The following SGCD variants were observed in gnomAD, a reference collection of about 807,000 sequenced individuals.
SGCD encodes sarcoglycan delta.
Under a neutral mutation model 36.6 loss-of-function variants are expected in SGCD, and 18 were observed. The ratio of observed to expected loss-of-function variants is 0.49; its 90% CI spans 0.34 to 0.73. The LOEUF is 0.73. Ranked by LOEUF, SGCD falls within the 30% of genes least tolerant of loss-of-function variation. SGCD has a pLI of 0.01. For synonymous variants in SGCD, 133 were observed against 130.6 expected, an observed-to-expected ratio of 1.02 and a Z score of -0.12; for missense variants, 387 against 346.7, an observed-to-expected ratio of 1.12 and a Z score of -0.92.
At chr5:155,806,381 C>T in the SGCD span, among the ~76,000 whole-genome samples, 11 of 152,172 alleles carry the variant, frequency 7.2e-5, no homozygotes, top group African/African-American at 1.9e-4. Flanking sequence ...TCTTGAACTC[C>T]TGACCTCGTG....
At chr5:156,253,221 C>T (rs909761591) in intron 3 of SGCD, among the ~76,000 whole-genome samples, 1 of 152,142 alleles carries the variant, frequency 6.6e-6, no homozygotes, top group Non-Finnish European at 1.5e-5. Flanking sequence ...ATCTGTGCCT[C>T]ACTGGGTCTA....
intron 7 of SGCD, among the ~76,000 whole-genome samples, chr5:156,674,336 A>G (rs1753424637): frequency 6.6e-6 from 1 of 152,228 alleles, no homozygotes; most frequent in South Asian, 2.1e-4. Flanking sequence ...GCAGCAACTA[A>G]GTTAAGAACA....
At chr5:155,842,245 TG>T in the SGCD span, among the ~76,000 whole-genome samples, 55 of 106,930 alleles carry the variant, frequency 5.1e-4, no homozygotes, top group African/African-American at 2.4e-3. Context: ...TCATTTGAGG[TG>T]TTTTTTTTTT....
the SGCD span, among the ~76,000 whole-genome samples, chr5:155,817,101 A>T: frequency 3.9e-5 from 6 of 152,208 alleles, no homozygotes; most frequent in African/African-American, 1.4e-4. Context: ...ATATAGTTAC[A>T]ATAACTTTAA....
At chr5:155,738,847 A>G in the SGCD span, among the ~76,000 whole-genome samples, 1 of 130,806 alleles carries the variant, frequency 7.6e-6, no homozygotes, top group African/African-American at 2.9e-5. Flanking sequence ...GTGAGAGAGT[A>G]TGTATATGAG....
intron 4 of SGCD, among the ~76,000 whole-genome samples, chr5:156,541,401 G>A (rs1387035776): frequency 2.6e-5 from 4 of 152,122 alleles, no homozygotes; most frequent in East Asian, 1.9e-4. Flanking sequence ...GGAGCTCCTC[G>A]GTGGTTCAGG....
chr5:156,596,452 TA>T (rs1760929860), intron 6 of SGCD, among the ~76,000 whole-genome samples: 1 of 152,208 alleles, frequency 6.6e-6, no homozygotes. Flanking sequence ...ATCATCTATG[TA>T]AAGTACTGAG....
At chr5:155,877,363 G>A (rs1018943492) in intron 1 of SGCD, among the ~76,000 whole-genome samples, 1 of 152,090 alleles carries the variant, frequency 6.6e-6, no homozygotes, top group Non-Finnish European at 1.5e-5. Context: ...CTAGCAATAG[G>A]ATTTGGATGT....
chr5:155,891,793 C>T (rs1309312149), intron 1 of SGCD, among the ~76,000 whole-genome samples: 1 of 151,754 alleles, frequency 6.6e-6, no homozygotes, highest in Non-Finnish European at 1.5e-5. Flanking sequence ...GCGGTTAAGG[C>T]CCTACCTGTG....
intron 3 of SGCD, among the ~76,000 whole-genome samples, chr5:156,142,879 A>G (rs1479273250): frequency 6.6e-6 from 1 of 152,252 alleles, no homozygotes; most frequent in Non-Finnish European, 1.5e-5. Flanking sequence ...ACCCTGTAGT[A>G]GAAAATCAAA....
At chr5:156,276,791 G>C (rs1010344564) in intron 3 of SGCD, among the ~76,000 whole-genome samples, 35 of 152,092 alleles carry the variant, frequency 2.3e-4, no homozygotes, top group African/African-American at 7.5e-4. Flanking sequence ...TAATAAAAAT[G>C]TATACATTAG....
the SGCD span, among the ~76,000 whole-genome samples, chr5:155,846,376 C>T: frequency 3.3e-5 from 5 of 152,120 alleles, no homozygotes; most frequent in African/African-American, 7.2e-5. Flanking sequence ...ATATAGATGT[C>T]GAACAATTAG....
At chr5:156,612,437 T>C (rs913486542) in intron 6 of SGCD, among the ~76,000 whole-genome samples, 1 of 152,138 alleles carries the variant, frequency 6.6e-6, no homozygotes, top group Non-Finnish European at 1.5e-5. Flanking sequence ...ACTGAACTGG[T>C]GGTTGGGCTT....
chr5:156,226,935 T>G (rs1205091149), intron 3 of SGCD, among the ~76,000 whole-genome samples: 2 of 152,074 alleles, frequency 1.3e-5, no homozygotes, highest in Non-Finnish European at 2.9e-5. Context: ...GCCCACTTTT[T>G]GATGAGATTG....
rs1218792018 is a variant in SGCD, at chr5:156,002,135, C to T, written c.-281-115743C>T. 2.6e-5 allele frequency among the ~76,000 whole-genome samples: 4 copies of T among 152,138 alleles called. No homozygotes were observed. The South Asian group carries it at 8.3e-4, about 32-fold the overall frequency. On this transcript the variant is annotated intron_variant, in intron 1 of 9. Coordinates refer to the SGCD transcript ENST00000517913. ...AGAATGTGGCTGTGTTTGGAGCTCG[C>T]GTCTTTAAAGAGGTAATTTAGTTAA...
At chr5:156,327,495 T>G (rs1055055895) in intron 1 of SGCD, among the ~76,000 whole-genome samples, 1 of 152,082 alleles carries the variant, frequency 6.6e-6, no homozygotes, top group African/African-American at 2.4e-5. Flanking sequence ...TAAAGAGGAG[T>G]ATGTGAATTC....
At chr5:156,035,250 G>A (rs1347118) in intron 1 of SGCD, among the ~76,000 whole-genome samples, 19,598 of 151,988 alleles carry the variant, frequency 0.13, 1,567 homozygotes, top group Admixed American at 0.21. Flanking sequence ...CCATCTACTC[G>A]TGCAACTTTA....
At position 156,698,058 on chromosome 5, in the gene SGCD, T is replaced by C. The variant is rs538654281; in HGVS notation, c.575+50522T>C. Among the ~76,000 whole-genome samples, 24 of 152,300 alleles carry C rather than the reference T, an allele frequency of 1.6e-4. No individual in the cohort carries two copies. The South Asian group carries it at 3.5e-3, about 22-fold the overall frequency. On this transcript the variant is annotated intron_variant, in intron 7 of 8. Transcript: ENST00000337851. ...ATAGTGGCTCATCCACATTTGCTAT[T>C]ATAATTGACCTAGCTCTGCTGTCCT... is the stretch of plus-strand genomic sequence containing the variant.
chr5:156,021,284 G>A (rs1759090624), intron 1 of SGCD, among the ~76,000 whole-genome samples: 1 of 152,292 alleles, frequency 6.6e-6, no homozygotes, highest in East Asian at 1.9e-4. Context: ...TATGTATTGA[G>A]CATGTATTGT....
Sources: gnomAD v4.1 joint callset for allele counts (sites outside exome capture counted in the v4.1 genomes callset) on GRCh38, gnomAD v4.1.1 for gene constraint, MANE v1.5 for transcripts, NCBI Gene and HGNC (gene_info 2026-07-23, HGNC 2026-07-21) for gene names.